Variants in LRGUK observed in about 807,000 individuals in gnomAD.
The protein encoded by LRGUK is leucine-rich repeat and guanylate kinase domain-containing protein.
In LRGUK, 65 loss-of-function variants were observed where a neutral mutation model predicts 76.0. The observed-to-expected ratio is 0.85, with a 90% CI of 0.70 to 1.05. The LOEUF (loss-of-function observed/expected upper bound fraction) is 1.05. Among genes scored for constraint, LRGUK ranks in the 50% least tolerant of loss-of-function variants. The pLI is 0.00. For missense variants in LRGUK, 758 were observed against 732.8 expected (o/e 1.03, Z -0.40); for synonymous variants, 268 against 265.6 (o/e 1.01, Z -0.09).
At chr7:134,144,915 C>T (rs956357707) in intron 4 of LRGUK, among the ~76,000 whole-genome samples, 1 of 152,134 alleles carries the variant, frequency 6.6e-6, no homozygotes, top group African/African-American at 2.4e-5. Flanking sequence ...TTTGATTCAC[C>T]TTTTGCTGTT....
intron 16 of LRGUK, among the ~76,000 whole-genome samples, chr7:134,232,721 C>T (rs1023784206): frequency 2.0e-5 from 3 of 152,162 alleles, no homozygotes; most frequent in South Asian, 2.1e-4. Context: ...TTGATTGCTA[C>T]TCCAATCATT....
chr7:134,257,711 G>A (rs529781834), intron 18 of LRGUK, among the ~76,000 whole-genome samples: 9 of 152,156 alleles, frequency 5.9e-5, no homozygotes, highest in Admixed American at 5.2e-4. Context: ...GGCTGAAGCG[G>A]GGGAATCACT....
chr7:134,237,821 T>C (rs1373933702), intron 16 of LRGUK, among the ~76,000 whole-genome samples: 1 of 152,170 alleles, frequency 6.6e-6, no homozygotes, highest in Non-Finnish European at 1.5e-5. Context: ...CCAATTCAAA[T>C]TCAGGACTTT....
the LRGUK span, among the ~76,000 whole-genome samples, chr7:134,273,526 G>A: frequency 1.4e-5 from 2 of 145,828 alleles, no homozygotes; most frequent in South Asian, 4.3e-4. Flanking sequence ...TTTTTTTTAA[G>A]TCCCCAGAGT....
intron 15 of LRGUK, among the ~76,000 whole-genome samples, chr7:134,204,956 G>A (rs1407011297): frequency 1.3e-5 from 2 of 152,198 alleles, no homozygotes; most frequent in East Asian, 3.8e-4. Flanking sequence ...GAATGGAGCC[G>A]TGGACCTTCG....
intron 18 of LRGUK, among the ~76,000 whole-genome samples, chr7:134,253,343 T>G (rs972435752): frequency 3.9e-5 from 6 of 152,214 alleles, no homozygotes; most frequent in Non-Finnish European, 7.3e-5. Flanking sequence ...GGGTCAATTT[T>G]ATTAGCTGTT....
intron 1 of LRGUK, among the ~76,000 whole-genome samples, chr7:134,134,494 G>C (rs1015496497): frequency 6.6e-6 from 1 of 152,172 alleles, no homozygotes; most frequent in African/African-American, 2.4e-5. Context: ...CAAATGTCAG[G>C]AACATCAGGA....
At chr7:134,148,648 GGGT>G (rs1410982532) in intron 5 of LRGUK, among the ~76,000 whole-genome samples, 1 of 151,994 alleles carries the variant, frequency 6.6e-6, no homozygotes, top group Non-Finnish European at 1.5e-5. Context: ...TTTCTCAGTC[GGGT>G]GCGTTGGCTC....
exon 2 of LRGUK, chr7:134,137,094 T>C: frequency 1.2e-6 from 2 of 1,612,954 alleles, no homozygotes; most frequent in Non-Finnish European, 8.5e-7. Flanking sequence ...GCTCAGGCTC[T>C]GGGACTGAGC....
chr7:134,221,669 T>G, intron 15 of LRGUK, 110 bp from the exon 16 acceptor site: 1 of 726,878 alleles, frequency 1.4e-6, no homozygotes, highest in Non-Finnish European at 2.0e-6. Context: ...GCGCACATTT[T>G]AAGTATCCAG....
At chr7:134,212,942 G>A (rs935405596), downstream of LRGUK, among the ~76,000 whole-genome samples, 47 of 152,158 alleles carry the variant, frequency 3.1e-4, no homozygotes, top group African/African-American at 1.1e-3. Context: ...GAATACCAAG[G>A]AAGGACACTG....
At chr7:134,151,359 A>G (rs1284445575) in intron 5 of LRGUK, among the ~76,000 whole-genome samples, 1 of 152,068 alleles carries the variant, frequency 6.6e-6, no homozygotes, top group African/African-American at 2.4e-5. Flanking sequence ...GGAAATAGAA[A>G]CCCTGAGTAG....
At chr7:134,240,474 G>T (rs1802118092) in intron 16 of LRGUK, among the ~76,000 whole-genome samples, 1 of 152,176 alleles carries the variant, frequency 6.6e-6, no homozygotes, top group Non-Finnish European at 1.5e-5. Context: ...TCAAATGAGT[G>T]AAATGAAGCG....
chr7:134,258,388 C>T (rs754440134), exon 19 of LRGUK: 7 of 1,613,858 alleles, frequency 4.3e-6, no homozygotes, highest in Non-Finnish European at 5.1e-6. Context: ...GACAGTGAGA[C>T]CGAAGAGACC....
At chr7:134,223,348 C>G (rs1801651333) in intron 16 of LRGUK, among the ~76,000 whole-genome samples, 1 of 152,226 alleles carries the variant, frequency 6.6e-6, no homozygotes, top group South Asian at 2.1e-4. Flanking sequence ...CTGTGGTGGT[C>G]ATATTAGCCT....
chr7:134,186,041 G>T (rs761938203), intron 11 of LRGUK, among the ~76,000 whole-genome samples: 49 of 152,196 alleles, frequency 3.2e-4, no homozygotes, highest in Admixed American at 2.3e-3. Flanking sequence ...GGTATATGCT[G>T]TTTTGCTAAT....
At chr7:134,200,396 TTC>T (rs1388163954) in intron 14 of LRGUK, among the ~76,000 whole-genome samples, 1 of 152,090 alleles carries the variant, frequency 6.6e-6, no homozygotes, top group Non-Finnish European at 1.5e-5. Context: ...AATGAGAAAA[TTC>T]TCTGTGTCTA....
At chr7:134,144,352 T>C (rs1258651040) in intron 4 of LRGUK, among the ~76,000 whole-genome samples, 1 of 152,142 alleles carries the variant, frequency 6.6e-6, no homozygotes, top group African/African-American at 2.4e-5. Flanking sequence ...TAGCCCAGGC[T>C]GGTCTTGAAC....
At chr7:134,160,152 A>G (rs1250703882) in intron 6 of LRGUK, among the ~76,000 whole-genome samples, 1 of 151,642 alleles carries the variant, frequency 6.6e-6, no homozygotes, top group African/African-American at 2.4e-5. Flanking sequence ...AGCATGGTAA[A>G]CAGACAAAGA....
Sources: gnomAD v4.1 joint callset for allele counts (sites outside exome capture counted in the v4.1 genomes callset) on GRCh38, gnomAD v4.1.1 for gene constraint, MANE v1.5 for transcripts, NCBI Gene and HGNC (gene_info 2026-07-23, HGNC 2026-07-21) for gene names.